The following ZSCAN16 variants were observed in gnomAD, a reference collection of about 807,000 sequenced individuals.
ZSCAN16 encodes zinc finger and SCAN domain-containing protein 16.
Under a neutral mutation model 19.4 loss-of-function variants are expected in ZSCAN16, and 15 were observed. That is an observed-to-expected ratio of 0.77 (90% CI 0.52 to 1.19). The LOEUF (loss-of-function observed/expected upper bound fraction) is 1.19. Ranked by LOEUF, ZSCAN16 falls within the 50% of genes most tolerant of loss-of-function variation. The pLI, the probability that ZSCAN16 is intolerant of heterozygous loss-of-function variation, is 0.00. For missense variants in ZSCAN16, 327 were observed against 415.7 expected (o/e 0.79, Z 1.86); for synonymous variants, 138 against 146.5 (o/e 0.94, Z 0.42).
chr6:28,125,600 C>T lies in ZSCAN16; in HGVS notation c.157C>T (p.Pro53Ser), dbSNP rs769606191. 6.2e-7 allele frequency: 1 copy of T among 1,614,236 alleles called. No individual in the cohort carries two copies. The highest frequency in any genetic ancestry group is 1.7e-5 in the Admixed American group (1 of 60,026). Residue 53 changes from proline to serine, a missense_variant, in exon 2 of 4, where the codon CCT becomes TCT. Coordinates refer to ENST00000340487, the MANE Select transcript of ZSCAN16 (RefSeq NM_025231.3). This position sits in a 1 kb window ranked among gnomAD's most constrained non-coding sequence, Gnocchi z 6.2. ...HFRKLCYQDA[P>S]GPREALTQLW... ...CAGGAAGCTCTGCTATCAGGATGCA[C>T]CTGGACCCCGTGAAGCTCTTACCCA...
rs1764867045 is a variant in ZSCAN16 at position 28,125,386 on chromosome 6, AAG to A, written c.-31-23_-31-22del. 11 of 1,552,586 alleles carry A rather than the reference AAG, an allele frequency of 7.1e-6. No individual in the cohort carries two copies. The highest frequency in any genetic ancestry group is 9.5e-6 in the Non-Finnish European group (11 of 1,153,534). On this transcript the variant is annotated intron_variant, in intron 1 of 3. Coordinates refer to ENST00000340487, the MANE Select transcript of ZSCAN16 (RefSeq NM_025231.3). This position sits in a 1 kb window ranked among gnomAD's most constrained non-coding sequence, Gnocchi z 6.2. ...AGGAGTGTCTCTGAGGCAGGATTCT[AAG>A]AGATTCTCTTTGACTCAATCCCAGA...
At chr6:28,126,944 G>T in intron 3 of ZSCAN16, 23 bp downstream of exon 3, 1 of 1,510,678 alleles carries the variant, frequency 6.6e-7, no homozygotes, top group East Asian at 2.4e-5. Context: ...AGTTCTGAGT[G>T]TATGAGGGTA....
intron 3 of ZSCAN16, among the ~76,000 whole-genome samples, chr6:28,128,921 C>T (rs1764976988): frequency 6.6e-6 from 1 of 152,158 alleles, no homozygotes; most frequent in African/African-American, 2.4e-5. Context: ...AACACACTCC[C>T]CTCCTTGGAT....
Position 28,126,911 on chromosome 6 carries a change from A to G in ZSCAN16, c.516A>G (p.Pro172=). The G allele has an allele frequency of 1.1e-5, 17 of 1,575,336 alleles. No individual in the cohort carries two copies. The highest frequency in any genetic ancestry group is 1.5e-5 in the Non-Finnish European group (17 of 1,154,798). The part of the protein sequence containing the change: ...KTQLEQEAGK[P]QRNGDKTRTK... ...AGCTGGAGCAGGAAGCTGGGAAACC[A>G]CAAAGGAATGGTAAGCAGGAACAGT... The change falls in exon 3 of 4, where the codon CCA becomes CCG. Residue 172 remains proline, a synonymous_variant. Transcript: ENST00000340487.
chr6:28,128,651 G>A (rs1388442518), intron 3 of ZSCAN16, among the ~76,000 whole-genome samples: 1 of 152,140 alleles, frequency 6.6e-6, no homozygotes, highest in Non-Finnish European at 1.5e-5. Context: ...CTGATAAGGA[G>A]TCGTCTGTAG....
intron 2 of ZSCAN16, among the ~76,000 whole-genome samples, chr6:28,126,412 CT>C (rs1053655525): frequency 6.4e-4 from 97 of 152,216 alleles, no homozygotes; most frequent in Middle Eastern, 3.4e-3. Flanking sequence ...CTCATTTGTA[CT>C]AGCCATATTT....
rs1764854843 is a variant in ZSCAN16, at chr6:28,125,006, G to A, written c.-32+329G>A. Among the ~76,000 whole-genome samples the A allele has an allele frequency of 6.6e-6, 1 of 152,198 alleles. No individual in the cohort carries two copies. Among genetic ancestry groups the A allele is most frequent in the Non-Finnish European group, 1.5e-5 (1 of 68,048 alleles). On this transcript the variant is annotated intron_variant, in intron 1 of 3. Coordinates refer to ENST00000340487, the MANE Select transcript of ZSCAN16 (RefSeq NM_025231.3). The surrounding 1 kb of genome is among the most constrained non-coding windows in gnomAD (Gnocchi z 6.2). The stretch of plus-strand genomic sequence containing the variant: ...ACAGAATGAAGAGCCTTTTAACAAA[G>A]CCGTTAATAATACTTGGCGTTTATT...
At chr6:28,124,928 T>G (rs1163261989) in intron 1 of ZSCAN16, among the ~76,000 whole-genome samples, 1 of 152,186 alleles carries the variant, frequency 6.6e-6, no homozygotes, top group Non-Finnish European at 1.5e-5. Flanking sequence ...GGCACACATA[T>G]CCTATAACCA....
chr6:28,126,687 C>G (rs922034048), intron 2 of ZSCAN16, 96 bp from the exon 3 acceptor site: 2 of 1,003,760 alleles, frequency 2.0e-6, no homozygotes, highest in Non-Finnish European at 2.7e-6. Context: ...ATTTGTCCCC[C>G]CTTTCTATGT....
chr6:28,127,935 A>G (rs1041137823), intron 3 of ZSCAN16, among the ~76,000 whole-genome samples: 6 of 152,136 alleles, frequency 3.9e-5, no homozygotes, highest in African/African-American at 7.2e-5. Flanking sequence ...CCAATATCCC[A>G]TCCTGTAGGA....
At position 28,129,775 on chromosome 6, in the gene ZSCAN16, C is replaced by G. The variant is rs374784537; in HGVS notation, c.872C>G (p.Pro291Arg). 1.2e-6 allele frequency: 2 copies of G among 1,614,028 alleles called. No individual in the cohort carries two copies. The highest frequency in any genetic ancestry group is 1.7e-6 in the Non-Finnish European group (2 of 1,179,986). The part of the protein sequence containing the change: ...GHHRVHTGVK[P>R]YKCKECGKDF... ...CATAGAGTACACACGGGAGTAAAAC[C>G]CTATAAATGTAAAGAATGTGGGAAA... Residue 291 changes from proline (P) to arginine (R), a missense_variant, in exon 4 of 4, where the codon CCC becomes CGC. Pro to Arg is a moderately radical substitution (Grantham distance 103, BLOSUM62 -2). Coordinates refer to ENST00000340487, the MANE Select transcript of ZSCAN16 (RefSeq NM_025231.3).
At chr6:28,126,659 AT>A (rs1764912098) in intron 2 of ZSCAN16, 123 bp from the exon 3 acceptor site, 1 of 693,760 alleles carries the variant, frequency 1.4e-6, no homozygotes. Flanking sequence ...CATTATTGCC[AT>A]TTACAATGAA....
In ZSCAN16 at chr6:28,129,980, C is replaced by A; in HGVS notation, c.*30C>A. 6.7e-7 allele frequency: 1 copy of A among 1,495,808 alleles called. No homozygotes were observed. Among genetic ancestry groups the A allele is most frequent in the Non-Finnish European group, 9.0e-7 (1 of 1,111,102 alleles). 92.7% of individuals were successfully genotyped at this position (1,495,808 alleles called of 1,614,324 possible). A position where few individuals can be genotyped will look rare whatever the true frequency, so the allele number is the denominator to read the frequency against. On this transcript the variant is annotated 3_prime_UTR_variant, in exon 4 of 4. Transcript: ENST00000340487. ...GCAGTAATATCAAAAGTTCTTTGGA[C>A]ACTCAGGCCTAACTAGTTATCAAAG... is the stretch of plus-strand genomic sequence containing the variant.
At position 28,124,612 on chromosome 6, in the gene ZSCAN16, T is replaced by G. The variant is rs1050488035; in HGVS notation, c.-97T>G. 6.6e-6 allele frequency: 1 copy of G among 152,106 alleles called. No homozygotes were observed. The highest frequency in any genetic ancestry group is 2.4e-5 in the African/African-American group (1 of 41,418). The allele number at this position is 152,106 out of a possible 1,614,324, so 9.4% of individuals were successfully genotyped here. ...CCGGGCGCCGATTGGTGTCTTTGAG[T>G]CTAGTCTTTGTTCGGGGCTGTCCAA... On this transcript the variant is annotated 5_prime_UTR_variant, in exon 1 of 4. Transcript: ENST00000340487.
Position 28,125,564 on chromosome 6 carries a change from A to G in ZSCAN16, c.121A>G (p.Arg41Gly), listed in dbSNP as rs1296039983. Residue 41 changes from arginine to glycine, a missense_variant, in exon 2 of 4, where the codon AGA (arginine) becomes GGA (glycine). By Grantham distance (125) the Arg-to-Gly change is moderately radical (BLOSUM62 -2). Coordinates refer to ENST00000340487, the MANE Select transcript of ZSCAN16 (RefSeq NM_025231.3). The surrounding 1 kb of genome is among the most constrained non-coding windows in gnomAD (Gnocchi z 6.2). The part of the protein sequence containing the change: ...KCSPHRRELY[R>G]QHFRKLCYQD... ...CAGTCCTCACAGGAGGGAACTCTAT[A>G]GACAACACTTCAGGAAGCTCTGCTA... 6.2e-7 allele frequency: 1 copy of G among 1,614,220 alleles called. No homozygotes were observed. The highest frequency in any genetic ancestry group is 8.5e-7 in the Non-Finnish European group (1 of 1,180,044).
chr6:28,128,988 C>G (rs1764978852), intron 3 of ZSCAN16, among the ~76,000 whole-genome samples: 1 of 152,200 alleles, frequency 6.6e-6, no homozygotes, highest in African/African-American at 2.4e-5. Context: ...TCTCCATTCA[C>G]TTTTACTTGA....
chr6:28,125,314 C>A lies in ZSCAN16; in HGVS notation c.-31-99C>A. On this transcript the variant is annotated intron_variant, in intron 1 of 3. Transcript: ENST00000340487. This position sits in a 1 kb window ranked among gnomAD's most constrained non-coding sequence, Gnocchi z 6.2. ...GGCTTCATTATGATGTGTTTATGTT[C>A]ACAGAAATTTTTGTAATTTCTCTAT... is the stretch of plus-strand genomic sequence containing the variant. 7.1e-7 allele frequency: 1 copy of A among 1,407,464 alleles called. No individual in the cohort carries two copies. The highest frequency in any genetic ancestry group is 2.4e-5 in the East Asian group (1 of 41,822). The allele number at this position is 1,407,464 out of a possible 1,614,324, so 87.2% of individuals were successfully genotyped here. A position where few individuals can be genotyped will look rare whatever the true frequency, so the allele number is the denominator to read the frequency against.
chr6:28,124,666 C>T lies in ZSCAN16; in HGVS notation c.-43C>T, dbSNP rs1764842508. 3 of 152,406 alleles carry T rather than the reference C, an allele frequency of 2.0e-5. No homozygotes were observed. The highest frequency in any genetic ancestry group is 2.0e-4 in the Admixed American group (3 of 15,312). 9.4% of individuals were successfully genotyped at this position (152,406 alleles called of 1,614,324 possible). A position where few individuals can be genotyped will look rare whatever the true frequency, so the allele number is the denominator to read the frequency against. On this transcript the variant is annotated 5_prime_UTR_variant, in exon 1 of 4. Transcript: ENST00000340487. ...ACGCTAGCTGTTGCACCTGTTCCTC[C>T]CTGCGCGTAAGGTGAGTGTCTCCCG...
At position 28,126,919 on chromosome 6, in the gene ZSCAN16, A is replaced by G. The variant is rs771671272; in HGVS notation, c.524A>G (p.Asn175Ser). Residue 175 changes from asparagine to serine, a missense_variant and splice_region_variant, in exon 3 of 4, where the codon AAT becomes AGT. Coordinates refer to ENST00000340487, the MANE Select transcript of ZSCAN16 (RefSeq NM_025231.3). ...CAGGAAGCTGGGAAACCACAAAGGAATGGTAAGCAGGAACAGTTCTGAGTG... is the reference window on the plus strand; with the variant it reads ...CAGGAAGCTGGGAAACCACAAAGGAGTGGTAAGCAGGAACAGTTCTGAGTG... ...LEQEAGKPQR[N>S]GDKTRTKNEE... is the part of the protein sequence containing the mutation. The G allele has an allele frequency of 6.4e-7, 1 of 1,573,936 alleles. No individual in the cohort carries two copies. The highest frequency in any genetic ancestry group is 1.2e-5 in the South Asian group (1 of 86,038).
Sources: allele counts gnomAD v4.1 joint callset (sites outside exome capture counted in the v4.1 genomes callset), GRCh38; gene constraint gnomAD v4.1.1; non-coding constraint Gnocchi (gnomAD v3.1); transcripts MANE v1.5; gene names NCBI Gene and HGNC (gene_info 2026-07-23, HGNC 2026-07-21).